The following SLC41A2 variants were observed in gnomAD, a reference collection of about 807,000 sequenced individuals.
SLC41A2 encodes solute carrier family 41 member 2, also known as SLC41A1-like 1.
In SLC41A2, 32 loss-of-function variants were observed where a neutral mutation model predicts 58.3. The observed-to-expected ratio is 0.55, with a 90% CI of 0.41 to 0.74. The LOEUF (loss-of-function observed/expected upper bound fraction) is 0.74, where lower values mean the gene tolerates loss of function less well. Among genes scored for constraint, SLC41A2 ranks in the 30% least tolerant of loss-of-function variants. SLC41A2 has a pLI of 0.00. For synonymous variants in SLC41A2, 190 were observed against 235.0 expected, an observed-to-expected ratio of 0.81 and a Z score of 1.75; for missense variants, 514 against 680.6, an observed-to-expected ratio of 0.76 and a Z score of 2.72.
chr12:104,833,157 C>T (rs553420134), intron 10 of SLC41A2, among the ~76,000 whole-genome samples: 8 of 152,294 alleles, frequency 5.3e-5, no homozygotes, highest in Admixed American at 1.3e-4. Context: ...TTGGAAAAGA[C>T]TGATTGTTCT....
chr12:104,913,252 G>A (rs906560237), intron 2 of SLC41A2, among the ~76,000 whole-genome samples: 1 of 152,190 alleles, frequency 6.6e-6, no homozygotes, highest in African/African-American at 2.4e-5. Flanking sequence ...CAAGAGGACA[G>A]CGTGACCTTG....
intron 10 of SLC41A2, among the ~76,000 whole-genome samples, chr12:104,817,109 C>T (rs1351649127): frequency 6.6e-6 from 1 of 152,196 alleles, no homozygotes; most frequent in African/African-American, 2.4e-5. Flanking sequence ...TCCTAGTCTA[C>T]AAACTATATA....
At chr12:104,884,599 T>G (rs917941867) in intron 6 of SLC41A2, among the ~76,000 whole-genome samples, 1 of 152,200 alleles carries the variant, frequency 6.6e-6, no homozygotes, top group African/African-American at 2.4e-5. Context: ...TTTAATGATA[T>G]TGAGACATAA....
chr12:104,852,526 C>G (rs1228826355), intron 8 of SLC41A2, among the ~76,000 whole-genome samples: 1 of 152,038 alleles, frequency 6.6e-6, no homozygotes, highest in Non-Finnish European at 1.5e-5. Context: ...TTCTTTGTTA[C>G]CATATAACAG....
chr12:104,941,589 C>T (rs2047515492), intron 1 of SLC41A2, among the ~76,000 whole-genome samples: 1 of 152,172 alleles, frequency 6.6e-6, no homozygotes, highest in Non-Finnish European at 1.5e-5. Flanking sequence ...CAAACACAAT[C>T]CAGTTAAACC....
Position 104,807,448 on chromosome 12 carries a change from T to C in SLC41A2, c.1537-2111A>G, listed in dbSNP as rs182017711. The stretch of plus-strand genomic sequence containing the variant: ...ATATCTCTGTTTTGGTACAGTACCA[T>C]GCTGTTTTGGTTACTGTAGCCTTGT... On this transcript the variant is annotated intron_variant, in intron 10 of 10. Coordinates refer to ENST00000258538, the MANE Select transcript of SLC41A2 (RefSeq NM_001352171.3). Among the ~76,000 whole-genome samples, 352 of 152,346 alleles carry C rather than the reference T, an allele frequency of 2.3e-3. 2 individuals carry two copies. Among genetic ancestry groups the C allele is most frequent in the African/African-American group, 8.0e-3 (333 of 41,588 alleles).
intron 3 of SLC41A2, among the ~76,000 whole-genome samples, chr12:104,897,047 A>G (rs17036484): frequency 0.015 from 2,257 of 151,968 alleles, 67 homozygotes; most frequent in African/African-American, 0.052. Context: ...TCCTACAGTC[A>G]TGTAACCCCA....
At chr12:104,936,464 AAAAG>A (rs1216598802) in intron 1 of SLC41A2, among the ~76,000 whole-genome samples, 1 of 152,186 alleles carries the variant, frequency 6.6e-6, no homozygotes, top group Admixed American at 6.5e-5. Context: ...GGCAATCTAC[AAAAG>A]AAAGAGGTTT....
intron 1 of SLC41A2, among the ~76,000 whole-genome samples, chr12:104,953,089 A>C (rs750785623): frequency 1.3e-5 from 2 of 152,258 alleles, no homozygotes; most frequent in Non-Finnish European, 2.9e-5. Flanking sequence ...CCCAAAGCCT[A>C]GCCCAGTGCC....
intron 8 of SLC41A2, among the ~76,000 whole-genome samples, chr12:104,860,940 A>C (rs960995797): frequency 3.3e-4 from 50 of 152,306 alleles, no homozygotes; most frequent in African/African-American, 1.1e-3. Flanking sequence ...TATCCACAAA[A>C]ATTGACAAAA....
intron 1 of SLC41A2, among the ~76,000 whole-genome samples, chr12:104,952,050 G>A (rs1019142480): frequency 6.6e-6 from 1 of 151,986 alleles, no homozygotes; most frequent in African/African-American, 2.4e-5. Context: ...ATGTAAGAAT[G>A]CCCTCTGTTA....
chr12:104,928,472 C>T lies in SLC41A2; in HGVS notation c.56G>A (p.Ser19Asn), dbSNP rs2046936452. The stretch of plus-strand genomic sequence containing the variant: ...AGTCCAATCTACAAAACCTCCTCCA[C>T]TACTTGGACCACCACTTGTTTTATC... ...ITDKTSGGPS[S>N]GGGFVDWTLR... The change falls in exon 2 of 11, where the codon AGT becomes AAT. Residue 19 changes from serine (S) to asparagine (N), a missense_variant. Transcript: ENST00000258538. The T allele has an allele frequency of 6.5e-7, 1 of 1,542,506 alleles. No individual in the cohort carries two copies. Among genetic ancestry groups the T allele is most frequent in the Non-Finnish European group, 8.7e-7 (1 of 1,143,722 alleles).
At chr12:104,881,148 G>A (rs923207740) in intron 6 of SLC41A2, among the ~76,000 whole-genome samples, 14 of 152,276 alleles carry the variant, frequency 9.2e-5, no homozygotes, top group African/African-American at 3.4e-4. Flanking sequence ...ATTTCTGTGG[G>A]ATTGGTGGTG....
At chr12:104,898,158 A>G (rs1471136496) in intron 3 of SLC41A2, among the ~76,000 whole-genome samples, 1 of 152,140 alleles carries the variant, frequency 6.6e-6, no homozygotes, top group Non-Finnish European at 1.5e-5. Flanking sequence ...GACATCAACT[A>G]ATTTTTTAGG....
chr12:104,814,437 A>G (rs989269401), intron 10 of SLC41A2, among the ~76,000 whole-genome samples: 1 of 152,136 alleles, frequency 6.6e-6, no homozygotes, highest in South Asian at 2.1e-4. Context: ...TACTTCTTAC[A>G]TGTTAGGTTG....
intron 1 of SLC41A2, among the ~76,000 whole-genome samples, chr12:104,955,540 G>C (rs1026564727): frequency 1.3e-5 from 2 of 152,080 alleles, no homozygotes; most frequent in Non-Finnish European, 2.9e-5. Flanking sequence ...ATTCCCATTT[G>C]CCCACACCGT....
At chr12:104,914,034 C>A (rs571032457) in intron 2 of SLC41A2, among the ~76,000 whole-genome samples, 14 of 152,168 alleles carry the variant, frequency 9.2e-5, no homozygotes, top group African/African-American at 3.4e-4. Flanking sequence ...TGCATTCCAG[C>A]CTGGGTGACA....
At chr12:104,921,348 G>C (rs529386927) in intron 2 of SLC41A2, among the ~76,000 whole-genome samples, 9 of 152,004 alleles carry the variant, frequency 5.9e-5, no homozygotes, top group Middle Eastern at 3.4e-3. Flanking sequence ...AATCTCAAAA[G>C]TCAAAGAGAG....
chr12:104,921,948 G>A (rs1317841007), intron 2 of SLC41A2, among the ~76,000 whole-genome samples: 1 of 152,064 alleles, frequency 6.6e-6, no homozygotes, highest in African/African-American at 2.4e-5. Context: ...TCTAAGATAA[G>A]TTGTCATCTC....
Sources: gnomAD v4.1 joint callset for allele counts (sites outside exome capture counted in the v4.1 genomes callset) on GRCh38, gnomAD v4.1.1 for gene constraint, MANE v1.5 for transcripts, NCBI Gene and HGNC (gene_info 2026-07-23, HGNC 2026-07-21) for gene names.